Variants in CD1A observed in about 807,000 individuals in gnomAD.
CD1A encodes the protein CD1a molecule, also known as T-cell surface glycoprotein CD1a.
Under a neutral mutation model 38.3 loss-of-function variants are expected in CD1A, and 50 were observed. That is an observed-to-expected ratio of 1.30 (90% CI 1.04 to 1.65). The LOEUF is 1.65. CD1A is among the 40% of genes most tolerant of loss of function. The pLI is 0.00. For synonymous variants in CD1A, 160 were observed against 150.8 expected (o/e 1.06, Z -0.45); for missense variants, 459 against 406.1 (o/e 1.13, Z -1.12).
chr1:158,248,406 C>A, the CD1A span: 1 of 985,280 alleles, frequency 1.0e-6, no homozygotes, highest in South Asian at 4.7e-5. Flanking sequence ...TTTGGAGGAG[C>A]AACAGGTAAG....
Position 158,255,140 on chromosome 1 carries a change from T to C in CD1A, c.115T>C (p.Ser39Pro). 1 of 1,614,138 alleles carries C rather than the reference T, an allele frequency of 6.2e-7. No homozygotes were observed. Among genetic ancestry groups the C allele is most frequent in the South Asian group, 1.1e-5 (1 of 91,086 alleles). ...CTGGATCGCATCCTTTTACAACCAT[T>C]CCTGGAAACAAAATCTGGTCTCAGG... ...VTWIASFYNH[S>P]WKQNLVSGWL... Residue 39 changes from serine (S) to proline (P), a missense_variant, in exon 2 of 6, where the codon TCC (serine) becomes CCC (proline). Coordinates refer to ENST00000289429, the MANE Select transcript of CD1A (RefSeq NM_001763.3).
chr1:158,254,588 GA>G lies in CD1A; in HGVS notation c.-81del, dbSNP rs551721126. Reference sequence around the variant, plus strand: ...TTGGCTGCAGAAAGAAGTCAGAATAGAGATATCGTGGGGTAGGTTTGTTTGG... The same window carrying G: ...TTGGCTGCAGAAAGAAGTCAGAATAGGATATCGTGGGGTAGGTTTGTTTGG... On this transcript the variant is annotated 5_prime_UTR_variant, in exon 1 of 6. Coordinates refer to ENST00000289429, the MANE Select transcript of CD1A (RefSeq NM_001763.3). 8.7e-6 allele frequency: 14 copies of G among 1,607,846 alleles called. 1 individual carries two copies. Among genetic ancestry groups the G allele is most frequent in the Non-Finnish European group, 1.1e-5 (13 of 1,177,318 alleles).
At position 158,256,299 on chromosome 1, in the gene CD1A, C is replaced by T. The variant is rs1440705816; in HGVS notation, c.604+17C>T. On this transcript the variant is annotated intron_variant, in intron 3 of 5. Coordinates refer to ENST00000289429, the MANE Select transcript of CD1A (RefSeq NM_001763.3). ...AGCGGCAAGGTCAGTCCTGCACTCT[C>T]CCTCCAAGAAGTTTTGATTTGAAAA... The T allele has an allele frequency of 6.2e-7, 1 of 1,601,100 alleles. No homozygotes were observed. The highest frequency in any genetic ancestry group is 1.7e-5 in the Admixed American group (1 of 59,308).
chr1:158,251,919 C>T (rs556783385), upstream of CD1A, among the ~76,000 whole-genome samples: 16 of 151,858 alleles, frequency 1.1e-4, no homozygotes, highest in African/African-American at 2.9e-4. Context: ...TGCAGTGGCG[C>T]GATCTCGGCT....
intron 3 of CD1A, 47 bp downstream of exon 3, chr1:158,256,329 A>G: frequency 6.5e-7 from 1 of 1,546,458 alleles, no homozygotes; most frequent in Non-Finnish European, 8.8e-7. Context: ...TGAAAATCAT[A>G]CCCTTCCACC....
Position 158,256,074 on chromosome 1 carries a change from G to GT in CD1A, c.398dup (p.Leu133PhefsTer39), listed in dbSNP as rs764559498. The GT allele has an allele frequency of 1.9e-6, 3 of 1,614,154 alleles. No homozygotes were observed. Among genetic ancestry groups the GT allele is most frequent in the Non-Finnish European group, 2.5e-6 (3 of 1,180,010 alleles). Reference sequence around the variant, plus strand: ...GAAAGGTCTCAGGAAGCTTCTTGCAGTTAGCTTATCAAGGATCAGACTTTG... The same window carrying GT: ...GAAAGGTCTCAGGAAGCTTCTTGCAGTTTAGCTTATCAAGGATCAGACTTTG... On this transcript the variant is annotated frameshift_variant, in exon 3 of 6. Transcript: ENST00000289429. LOFTEE classifies it high-confidence loss of function.
chr1:158,254,565 G>T lies in CD1A; in HGVS notation c.-105G>T. 1 of 1,586,282 alleles carries T rather than the reference G, an allele frequency of 6.3e-7. No individual in the cohort carries two copies. Among genetic ancestry groups the T allele is most frequent in the Non-Finnish European group, 8.6e-7 (1 of 1,166,972 alleles). ...TGCAGTCAGGGGAGGTTTGTCTGTT[G>T]GCTGCAGAAAGAAGTCAGAATAGAG... On this transcript the variant is annotated 5_prime_UTR_variant, in exon 1 of 6. Transcript: ENST00000289429.
At chr1:158,251,385 T>C (rs1485315073), upstream of CD1A, among the ~76,000 whole-genome samples, 2 of 152,212 alleles carry the variant, frequency 1.3e-5, no homozygotes. Flanking sequence ...AGTCTGGAGC[T>C]AACTGGGTTT....
rs747062458 is a variant in CD1A at position 158,254,628 on chromosome 1, G to A, written c.-42G>A. 6.2e-7 allele frequency: 1 copy of A among 1,613,598 alleles called. No homozygotes were observed. The highest frequency in any genetic ancestry group is 1.1e-5 in the South Asian group (1 of 91,012). On this transcript the variant is annotated 5_prime_UTR_variant, in exon 1 of 6. Coordinates refer to ENST00000289429, the MANE Select transcript of CD1A (RefSeq NM_001763.3). ...AGGTTTGTTTGGAACAGAAATCAAA[G>A]ACCAATTTTTCTGAGAGAAGGAAAT...
chr1:158,256,150 G>A lies in CD1A; in HGVS notation c.472G>A (p.Ala158Thr). The change falls in exon 3 of 6, where the codon GCC (alanine) becomes ACC (threonine). Residue 158 changes from alanine (A) to threonine (T), a missense_variant. By Grantham distance (58) the Ala-to-Thr change is moderately conservative. Transcript: ENST00000289429. ...WLPYPVAGNM[A>T]KHFCKVLNQN... The stretch of plus-strand genomic sequence containing the variant: ...GCCATATCCAGTGGCTGGGAATATG[G>A]CCAAGCATTTCTGCAAAGTGCTCAA... 3 of 1,614,134 alleles carry A rather than the reference G, an allele frequency of 1.9e-6. No individual in the cohort carries two copies. Among genetic ancestry groups the A allele is most frequent in the Non-Finnish European group, 2.5e-6 (3 of 1,180,010 alleles).
At chr1:158,250,865 T>C (rs1288205614), upstream of CD1A, among the ~76,000 whole-genome samples, 9 of 152,182 alleles carry the variant, frequency 5.9e-5, no homozygotes, top group Non-Finnish European at 1.2e-4. Context: ...AGTCCCTATA[T>C]CTCTAAGGTT....
rs1467615958 is a variant in CD1A at position 158,254,505 on chromosome 1, A to C, written c.-165A>C. 3 of 1,462,596 alleles carry C rather than the reference A, an allele frequency of 2.1e-6. No homozygotes were observed. Among genetic ancestry groups the C allele is most frequent in the Non-Finnish European group, 2.7e-6 (3 of 1,107,630 alleles). The allele number at this position is 1,462,596 out of a possible 1,614,324, so 90.6% of individuals were successfully genotyped here. A position where few individuals can be genotyped will look rare whatever the true frequency, so the allele number is the denominator to read the frequency against. On this transcript the variant is annotated 5_prime_UTR_variant, in exon 1 of 6. Coordinates refer to ENST00000289429, the MANE Select transcript of CD1A (RefSeq NM_001763.3). ...GAGGGAAATGAGAGACTGAGTAGGC[A>C]TCTCAGGGTTTTTGAAGGAGTGGAT...
chr1:158,257,408 C>T lies in CD1A; in HGVS notation c.884-13C>T. 1 of 1,602,944 alleles carries T rather than the reference C, an allele frequency of 6.2e-7. No homozygotes were observed. Among genetic ancestry groups the T allele is most frequent in the Non-Finnish European group, 8.5e-7 (1 of 1,169,884 alleles). On this transcript the variant is annotated splice_polypyrimidine_tract_variant and intron_variant, in intron 4 of 5. Transcript: ENST00000289429. ...TGGATTATAACATCCTTGGTGTCTC[C>T]CCAAATTCACAGAGCATCACAGTTC...
chr1:158,248,676 C>G, the CD1A span, among the ~76,000 whole-genome samples: 3 of 152,134 alleles, frequency 2.0e-5, no homozygotes, highest in African/African-American at 7.2e-5. Context: ...TTTTCCTTTT[C>G]TCCAGTTCTG....
chr1:158,254,530 T>G lies in CD1A; in HGVS notation c.-140T>G. Reference sequence around the variant, plus strand: ...ATCTCAGGGTTTTTGAAGGAGTGGATTTTCTTTGTTGCAGTCAGGGGAGGT... The same window carrying G: ...ATCTCAGGGTTTTTGAAGGAGTGGAGTTTCTTTGTTGCAGTCAGGGGAGGT... On this transcript the variant is annotated 5_prime_UTR_variant, in exon 1 of 6. Coordinates refer to ENST00000289429, the MANE Select transcript of CD1A (RefSeq NM_001763.3). The G allele has an allele frequency of 6.6e-7, 1 of 1,510,616 alleles. No homozygotes were observed. Among genetic ancestry groups the G allele is most frequent in the Admixed American group, 2.0e-5 (1 of 49,024 alleles). 93.6% of individuals were successfully genotyped at this position (1,510,616 alleles called of 1,614,324 possible).
intron 1 of CD1A, 119 bp from the exon 2 acceptor site, chr1:158,254,965 C>A: frequency 1.9e-6 from 2 of 1,080,450 alleles, no homozygotes; most frequent in Non-Finnish European, 2.7e-6. Flanking sequence ...TGAATGTCTG[C>A]TAAGATCATG....
At chr1:158,255,392 G>C (rs768955173) in intron 2 of CD1A, 42 bp downstream of exon 2, 1 of 1,594,090 alleles carries the variant, frequency 6.3e-7, no homozygotes, top group Non-Finnish European at 8.6e-7. Flanking sequence ...AGGTGGGAGA[G>C]AGGGGTTGTC....
At position 158,257,444 on chromosome 1, in the gene CD1A, A is replaced by T. The variant is rs770244982; in HGVS notation, c.907A>T (p.Ile303Phe). The change falls in exon 5 of 6, where the codon ATC (isoleucine) becomes TTC (phenylalanine). Residue 303 changes from isoleucine to phenylalanine, a missense_variant. Transcript: ENST00000289429. ...YWEHHSSVGFIILAVIVPLLL... is the reference protein window; with the variant it reads ...YWEHHSSVGFFILAVIVPLLL... The stretch of plus-strand genomic sequence containing the variant: ...AGAGCATCACAGTTCCGTGGGCTTC[A>T]TCATCTTGGCGGTGATAGTGCCTTT... The T allele has an allele frequency of 6.2e-7, 1 of 1,614,142 alleles. No homozygotes were observed. The highest frequency in any genetic ancestry group is 8.5e-7 in the Non-Finnish European group (1 of 1,179,966).
At position 158,257,908 on chromosome 1, in the gene CD1A, AC is replaced by A; in HGVS notation, c.*219del. 1.8e-6 allele frequency: 1 copy of A among 546,576 alleles called. No individual in the cohort carries two copies. Among genetic ancestry groups the A allele is most frequent in the South Asian group, 2.6e-5 (1 of 38,962 alleles). 33.9% of individuals were successfully genotyped at this position (546,576 alleles called of 1,614,324 possible). A position where few individuals can be genotyped will look rare whatever the true frequency, so the allele number is the denominator to read the frequency against. On this transcript the variant is annotated 3_prime_UTR_variant, in exon 6 of 6. Coordinates refer to ENST00000289429, the MANE Select transcript of CD1A (RefSeq NM_001763.3). ...TTGTTGTTCTGACCTGGGTTCTGGG[AC>A]TTTTAAATTCAAATTTTATCTCCAG...
Sources: gnomAD v4.1 joint callset for allele counts (sites outside exome capture counted in the v4.1 genomes callset) on GRCh38, gnomAD v4.1.1 for gene constraint, MANE v1.5 for transcripts, NCBI Gene and HGNC (gene_info 2026-07-23, HGNC 2026-07-21) for gene names.